GLYATL2: variants seen among roughly 807,000 people sequenced by gnomAD.
The protein encoded by GLYATL2 is glycine N-acyltransferase-like protein 2.
In GLYATL2, 25 loss-of-function variants were observed where a neutral mutation model predicts 21.4. The ratio of observed to expected loss-of-function variants is 1.17; its 90% CI spans 0.85 to 1.63. The LOEUF is 1.63. Among genes scored for constraint, GLYATL2 ranks in the 40% most tolerant of loss-of-function variants. GLYATL2 has a pLI of 0.00. For missense variants in GLYATL2, 361 were observed against 343.3 expected (o/e 1.05, Z -0.41); for synonymous variants, 114 against 118.2 (o/e 0.96, Z 0.23).
chr11:58,907,223 C>G (rs183615231), upstream of GLYATL2: 40 of 456,240 alleles, frequency 8.8e-5, no homozygotes, highest in South Asian at 3.9e-4. Context: ...TTCTGTCTCT[C>G]TCTCTCTGCC....
chr11:58,852,328 CTT>C (rs1853756613), intron 1 of GLYATL2, among the ~76,000 whole-genome samples: 1 of 152,188 alleles, frequency 6.6e-6, no homozygotes, highest in Non-Finnish European at 1.5e-5. Context: ...CCAGGAAAGT[CTT>C]TTAAAGCTGC....
chr11:58,885,534 CA>C, intron 1 of GLYATL2: 1 of 466,258 alleles, frequency 2.1e-6, no homozygotes, highest in Non-Finnish European at 4.3e-6. Flanking sequence ...ATCCAACCAC[CA>C]AAACAGGTAG....
At chr11:58,899,289 G>A (rs1036284552) in intron 1 of GLYATL2, among the ~76,000 whole-genome samples, 2 of 151,960 alleles carry the variant, frequency 1.3e-5, no homozygotes, top group Non-Finnish European at 2.9e-5. Flanking sequence ...AGGATGTACA[G>A]GGCAAAGCTG....
chr11:58,905,712 GGACC>G, upstream of GLYATL2: 1 of 428,146 alleles, frequency 2.3e-6, no homozygotes, highest in Non-Finnish European at 4.7e-6. Context: ...GGGATCGCTG[GGACC>G]GGGATGGGTC....
intron 1 of GLYATL2, among the ~76,000 whole-genome samples, chr11:58,877,343 A>T (rs1854254577): frequency 6.6e-6 from 1 of 152,196 alleles, no homozygotes; most frequent in Middle Eastern, 3.2e-3. Context: ...GAAATGCAGA[A>T]ATCATCCATC....
intron 1 of GLYATL2, among the ~76,000 whole-genome samples, chr11:58,855,785 T>C (rs1853817972): frequency 6.6e-6 from 1 of 152,234 alleles, no homozygotes; most frequent in South Asian, 2.1e-4. Context: ...GATAATCTTT[T>C]ACAATTTCTA....
At chr11:58,850,905 A>G (rs1429830591) in intron 1 of GLYATL2, among the ~76,000 whole-genome samples, 1 of 151,868 alleles carries the variant, frequency 6.6e-6, no homozygotes, top group Non-Finnish European at 1.5e-5. Context: ...TTCATGTTCT[A>G]CTCTGGGCAC....
At chr11:58,900,400 A>C (rs562187681) in intron 1 of GLYATL2, among the ~76,000 whole-genome samples, 1 of 152,314 alleles carries the variant, frequency 6.6e-6, no homozygotes, top group Admixed American at 6.5e-5. Context: ...GAAAAAACCT[A>C]TGGAAGGTGC....
rs746271652 is a variant in GLYATL2 at position 58,839,538 on chromosome 11, T to A, written c.75A>T (p.Ile25=). The A allele has an allele frequency of 1.6e-5, 25 of 1,604,004 alleles. No homozygotes were observed. In the South Asian group the frequency reaches 2.4e-4, roughly 16 times the overall value. Residue 25 remains isoleucine (I), a synonymous_variant, in exon 2 of 6, where the codon ATA becomes ATT. Transcript: ENST00000287275. ...KSLEKSIPES[I]KVYGAIFNIK... is the part of the protein sequence containing the mutation. ...TGATCTCCTCCTACTCCGTTACCTT[T>A]ATGGATTCAGGGATGCTCTTTTCTA...
rs144133653 is a variant in GLYATL2, at chr11:58,895,027, G to A, written n.60+9129C>T. ...TTTGCCTGTTTCAAAATGGTGCCTCGGGCAGGTCCTGTATCCAGAAGAGGA... is the reference window on the plus strand; with the variant it reads ...TTTGCCTGTTTCAAAATGGTGCCTCAGGCAGGTCCTGTATCCAGAAGAGGA... On this transcript the variant is annotated intron_variant and non_coding_transcript_variant, in intron 1 of 4. Coordinates refer to the GLYATL2 transcript ENST00000533636. Among the ~76,000 whole-genome samples the A allele has an allele frequency of 3.0e-3, 451 of 152,232 alleles. 3 individuals are homozygous for A. The highest frequency in any genetic ancestry group is 0.01 in the African/African-American group (417 of 41,526).
In GLYATL2 at chr11:58,857,888, CAAAAAAAAAAAA is replaced by C. The variant is rs545952478; in HGVS notation, n.61-19532_61-19521del. The stretch of plus-strand genomic sequence containing the variant: ...CCTCATTCCCTACTCTTTTCCCCTC[CAAAAAAAAAAAA>C]AAAAAAAAAAAAACAAGCAAAACAA... On this transcript the variant is annotated intron_variant and non_coding_transcript_variant, in intron 1 of 4. Transcript: ENST00000533636. Among the ~76,000 whole-genome samples the C allele has an allele frequency of 2.6e-3, 281 of 108,452 alleles. 1 individual carries two copies. The highest frequency in any genetic ancestry group is 9.5e-3 in the African/African-American group (255 of 26,962). The allele number at this position is 108,452 out of a possible 152,430, so 71.1% of individuals were successfully genotyped here. A position where few individuals can be genotyped will look rare whatever the true frequency, so the allele number is the denominator to read the frequency against.
At chr11:58,857,714 T>A (rs910894877) in intron 1 of GLYATL2, among the ~76,000 whole-genome samples, 1 of 152,032 alleles carries the variant, frequency 6.6e-6, no homozygotes, top group African/African-American at 2.4e-5. Context: ...TTTAATTTCC[T>A]TCCAATTTTT....
upstream of GLYATL2, chr11:58,907,468 C>A (rs373701966): frequency 1.9e-5 from 6 of 308,384 alleles, no homozygotes; most frequent in African/African-American, 2.0e-4. Context: ...TCATGTATTT[C>A]GCTCTTTTTT....
intron 1 of GLYATL2, among the ~76,000 whole-genome samples, chr11:58,888,889 AT>A (rs1052467482): frequency 7.9e-5 from 12 of 151,834 alleles, no homozygotes; most frequent in Non-Finnish European, 1.5e-4. Context: ...ACATCAAGTA[AT>A]TTTTCCAGTT....
intron 1 of GLYATL2, among the ~76,000 whole-genome samples, chr11:58,842,434 A>G (rs1469676990): frequency 6.6e-6 from 1 of 151,102 alleles, no homozygotes; most frequent in East Asian, 2.0e-4. Context: ...TCATGTCTGC[A>G]TGGATTTTCT....
upstream of GLYATL2, among the ~76,000 whole-genome samples, chr11:58,849,702 C>T (rs372052320): frequency 8.4e-4 from 128 of 152,228 alleles, 2 homozygotes; most frequent in South Asian, 0.023. Context: ...AACCAAACAC[C>T]GCATGTTCTC....
chr11:58,855,368 A>T (rs1286527303), intron 1 of GLYATL2, among the ~76,000 whole-genome samples: 1 of 152,210 alleles, frequency 6.6e-6, no homozygotes, highest in Non-Finnish European at 1.5e-5. Context: ...TGCTTTTTCA[A>T]TGAGCAGTAA....
chr11:58,878,333 C>T, intron 1 of GLYATL2: 1 of 628,556 alleles, frequency 1.6e-6, no homozygotes, highest in Admixed American at 3.2e-5. Context: ...ATGCTACATG[C>T]AGGATCCACT....
intron 1 of GLYATL2, among the ~76,000 whole-genome samples, chr11:58,886,078 T>C (rs957364052): frequency 2.0e-5 from 3 of 152,124 alleles, no homozygotes; most frequent in Admixed American, 1.3e-4. Flanking sequence ...TAGCAGGGCA[T>C]GGTGGTACAT....
Sources: allele counts gnomAD v4.1 joint callset (sites outside exome capture counted in the v4.1 genomes callset), GRCh38; gene constraint gnomAD v4.1.1; transcripts MANE v1.5; gene names NCBI Gene and HGNC (gene_info 2026-07-23, HGNC 2026-07-21).